Variants in KPTN observed in about 807,000 individuals in gnomAD.
KPTN encodes the protein kaptin, actin binding protein.
Under a neutral mutation model 52.6 loss-of-function variants are expected in KPTN, and 36 were observed. The observed-to-expected ratio is 0.68, with a 90% CI of 0.52 to 0.90. The LOEUF is 0.90. Ranked by LOEUF, KPTN falls within the 40% of genes least tolerant of loss-of-function variation. KPTN has a pLI of 0.00. For synonymous variants in KPTN, 271 were observed against 248.4 expected (o/e 1.09, Z -0.85); for missense variants, 529 against 576.2 (o/e 0.92, Z 0.84).
chr19:47,479,983 T>A, intron 7 of KPTN, 43 bp from the exon 8 acceptor site: 1 of 1,369,302 alleles, frequency 7.3e-7, no homozygotes, highest in Non-Finnish European at 9.7e-7. Flanking sequence ...CCCACCCCGG[T>A]CCCGCCCGCA....
At chr19:47,478,908 G>A (rs1010220005) in intron 8 of KPTN, among the ~76,000 whole-genome samples, 1 of 152,186 alleles carries the variant, frequency 6.6e-6, no homozygotes, top group Non-Finnish European at 1.5e-5. Flanking sequence ...GGTGGGAGGC[G>A]GTGTGGGATA....
At chr19:47,480,136 G>A (rs1320801283) in intron 7 of KPTN, among the ~76,000 whole-genome samples, 162 bp downstream of exon 7, 5 of 98,046 alleles carry the variant, frequency 5.1e-5, no homozygotes, top group African/African-American at 2.1e-4. Context: ...CCCAGCAATA[G>A]CCCTCGGCCC....
At position 47,475,372 on chromosome 19, in the gene KPTN, G is replaced by A. The variant is rs1196229623; in HGVS notation, c.*44C>T. On this transcript the variant is annotated 3_prime_UTR_variant, in exon 12 of 12. Transcript: ENST00000338134. ...CCCACCAGCGGCTGGAGGTGAGCAC[G>A]CCATGAGTCGCCCCAGGTCTGGGAA... 15 of 1,598,664 alleles carry A rather than the reference G, an allele frequency of 9.4e-6. No individual in the cohort carries two copies. The East Asian group carries it at 2.5e-4, about 26-fold the overall frequency.
upstream of KPTN, among the ~76,000 whole-genome samples, chr19:47,484,706 ATTTTTTTTTTT>A (rs35425298): frequency 7.7e-6 from 1 of 129,174 alleles, no homozygotes; most frequent in Admixed American, 8.1e-5. Flanking sequence ...ACAGTTCACT[ATTTTTTTTTTT>A]TTTTTTTTTG....
At position 47,484,031 on chromosome 19, in the gene KPTN, C is replaced by A; in HGVS notation, c.130G>T (p.Ala44Ser). Reference protein sequence around the residue: ...GAGGRGELLAATLKGKVLGFR... With the variant: ...GAGGRGELLASTLKGKVLGFR... The stretch of plus-strand genomic sequence containing the variant: ...CCGAGCACCTTGCCTTTAAGGGTGG[C>A]GGCCAGCAGCTCCCCGCGCCCGCCG... Residue 44 changes from alanine (A) to serine (S), a missense_variant, in exon 1 of 12, where the codon GCC (alanine) becomes TCC (serine). Transcript: ENST00000338134. 2.5e-6 allele frequency: 4 copies of A among 1,612,240 alleles called. No homozygotes were observed. The highest frequency in any genetic ancestry group is 3.4e-6 in the Non-Finnish European group (4 of 1,179,956).
chr19:47,480,298 C>T lies in KPTN; in HGVS notation c.709G>A (p.Glu237Lys). The T allele has an allele frequency of 1.3e-6, 2 of 1,547,628 alleles. No individual in the cohort carries two copies. The highest frequency in any genetic ancestry group is 1.7e-4 in the Middle Eastern group (1 of 5,956). ...TACCCCGCCTCACCGCGGCCCTCAC[C>T]TCGACTCCGCTGGTCCACGTGGGCG... ...RVAHVDQRSR[E>K]VLQMWSVLQD... The change falls in exon 7 of 12, where the codon GAG (glutamate) becomes AAG (lysine). Residue 237 changes from glutamate (E) to lysine (K), a missense_variant and splice_region_variant. By Grantham distance (56) the Glu-to-Lys change is moderately conservative (BLOSUM62 1). Transcript: ENST00000338134.
intron 4 of KPTN, 147 bp downstream of exon 4, chr19:47,483,014 T>C (rs929604119): frequency 3.9e-5 from 33 of 850,020 alleles, no homozygotes; most frequent in Non-Finnish European, 5.8e-5. Context: ...GCTGGCATTT[T>C]AGTTTTCAAT....
Position 47,483,557 on chromosome 19 carries a change from G to C in KPTN, c.254C>G (p.Thr85Ser). Reference protein sequence around the residue: ...PVDAEIVSIDTFNKSPPKRGL... With the variant: ...PVDAEIVSIDSFNKSPPKRGL... ...CCGCTTGGGGGGTGACTTGTTGAAAGTGTCGATGGAGACAATCTCCGCATC... is the reference window on the plus strand; with the variant it reads ...CCGCTTGGGGGGTGACTTGTTGAAACTGTCGATGGAGACAATCTCCGCATC... Residue 85 changes from threonine to serine, a missense_variant, in exon 2 of 12, where the codon ACT (threonine) becomes AGT (serine). Transcript: ENST00000338134. 2.5e-6 allele frequency: 4 copies of C among 1,569,026 alleles called. No individual in the cohort carries two copies. Among genetic ancestry groups the C allele is most frequent in the Non-Finnish European group, 3.5e-6 (4 of 1,156,300 alleles).
At chr19:47,484,319 G>A, upstream of KPTN, 1 of 952,128 alleles carries the variant, frequency 1.1e-6, no homozygotes, top group Non-Finnish European at 1.5e-6. Context: ...TGGCGGCCAG[G>A]TCGCCTGCTC....
At chr19:47,484,281 A>T (rs1056295653), upstream of KPTN, 21 of 1,290,348 alleles carry the variant, frequency 1.6e-5, no homozygotes, top group Non-Finnish European at 2.0e-5. Flanking sequence ...TGACGTACGG[A>T]AGCTGCCGGC....
Position 47,475,427 on chromosome 19 carries a change from C to A in KPTN, c.1300G>T (p.Ala434Ser). 6.2e-7 allele frequency: 1 copy of A among 1,612,482 alleles called. No homozygotes were observed. The highest frequency in any genetic ancestry group is 8.5e-7 in the Non-Finnish European group (1 of 1,178,920). The change falls in exon 12 of 12, where the codon GCA becomes TCA. Residue 434 changes from alanine (A) to serine (S), a missense_variant. Transcript: ENST00000338134. The stretch of plus-strand genomic sequence containing the variant: ...GGGTGCATGGGTGCTTAAGAGGCTG[C>A]ATTCTCAGCAGGCCCTGCACCTGCC... ...DGAGAGPAEN[A>S]AS
At chr19:47,480,688 A>G in intron 6 of KPTN, 72 bp downstream of exon 6, 1 of 1,402,852 alleles carries the variant, frequency 7.1e-7, no homozygotes, top group Non-Finnish European at 1.0e-6. Flanking sequence ...CAATTTCTCT[A>G]AGGTCTCACC....
intron 8 of KPTN, 43 bp downstream of exon 8, chr19:47,479,820 C>T (rs1237239296): frequency 6.5e-7 from 1 of 1,533,350 alleles, no homozygotes; most frequent in African/African-American, 1.4e-5. Flanking sequence ...TGCCTCTTCC[C>T]TCCCACCCGC....
intron 8 of KPTN, among the ~76,000 whole-genome samples, chr19:47,479,257 G>C (rs1967780832): frequency 6.6e-6 from 1 of 152,196 alleles, no homozygotes. Flanking sequence ...TGGTCAGGCT[G>C]GTCTTGAACT....
At chr19:47,475,905 G>C (rs772025052) in intron 11 of KPTN, among the ~76,000 whole-genome samples, 7 of 150,434 alleles carry the variant, frequency 4.7e-5, no homozygotes, top group Admixed American at 1.3e-4. Context: ...AGGTTGCAGT[G>C]AACTGAGATC....
At chr19:47,483,772 C>A in intron 1 of KPTN, 163 bp downstream of exon 1, 1 of 1,020,900 alleles carries the variant, frequency 9.8e-7, no homozygotes, top group Non-Finnish European at 1.4e-6. Flanking sequence ...AAACCCTAGG[C>A]TCATCCGGGC....
intron 8 of KPTN, 35 bp downstream of exon 8, chr19:47,479,828 C>A: frequency 6.4e-6 from 10 of 1,572,972 alleles, no homozygotes; most frequent in Non-Finnish European, 8.7e-6. Context: ...CCCTCCCACC[C>A]GCTCTCTCCC....
At chr19:47,478,353 G>A (rs143368508) in intron 8 of KPTN, among the ~76,000 whole-genome samples, 2,259 of 151,822 alleles carry the variant, frequency 0.015, 40 homozygotes, top group Middle Eastern at 0.054. Flanking sequence ...CGAGGCAGGC[G>A]GATCACCTGA....
In KPTN at chr19:47,477,624, C is replaced by A. The variant is rs1233311265; in HGVS notation, c.863+82G>T. On this transcript the variant is annotated intron_variant, in intron 9 of 11. Transcript: ENST00000338134. ...GCTCTGGGTAATCCACCCAGAGGAA[C>A]TTACTGTAGAGAATGACAAGGTTAG... 3.6e-5 allele frequency: 38 copies of A among 1,064,374 alleles called. No homozygotes were observed. The East Asian group carries it at 9.2e-4, about 26-fold the overall frequency. 65.9% of individuals were successfully genotyped at this position (1,064,374 alleles called of 1,614,324 possible). A position where few individuals can be genotyped will look rare whatever the true frequency, so the allele number is the denominator to read the frequency against.
Sources: gnomAD v4.1 joint callset for allele counts (sites outside exome capture counted in the v4.1 genomes callset) on GRCh38, gnomAD v4.1.1 for gene constraint, MANE v1.5 for transcripts, NCBI Gene and HGNC (gene_info 2026-07-23, HGNC 2026-07-21) for gene names.